THSD4: variants seen among roughly 807,000 people sequenced by gnomAD.
The protein encoded by THSD4 is thrombospondin type 1 domain containing 4, also known as thrombospondin type-1 domain-containing protein 4.
Under a neutral mutation model 119.0 loss-of-function variants are expected in THSD4, and 69 were observed. The ratio of observed to expected loss-of-function variants is 0.58; its 90% CI spans 0.48 to 0.71. The LOEUF (loss-of-function observed/expected upper bound fraction) is 0.71, where lower values mean the gene tolerates loss of function less well. Among genes scored for constraint, THSD4 ranks in the 30% least tolerant of loss-of-function variants. The pLI is 0.00. For missense variants in THSD4, 1,393 were observed against 1,391.1 expected (o/e 1.00, Z -0.02); for synonymous variants, 524 against 540.4 (o/e 0.97, Z 0.42).
chr15:71,352,603 T>C (rs2045758389), intron 6 of THSD4, among the ~76,000 whole-genome samples: 1 of 152,198 alleles, frequency 6.6e-6, no homozygotes, highest in Non-Finnish European at 1.5e-5. Flanking sequence ...GTTGAGTTCA[T>C]TTCAAATTTT....
chr15:71,486,614 T>G (rs1239571549), intron 7 of THSD4, among the ~76,000 whole-genome samples: 3 of 16,458 alleles, frequency 1.8e-4, no homozygotes, highest in African/African-American at 2.7e-4. Flanking sequence ...CTTTTCTGTT[T>G]TTTTTTTTTT....
intron 8 of THSD4, among the ~76,000 whole-genome samples, chr15:71,717,316 G>A (rs376759474): frequency 1.3e-5 from 2 of 152,206 alleles, no homozygotes; most frequent in African/African-American, 4.8e-5. Flanking sequence ...TTAGAAAGCA[G>A]TTATCTAGAT....
intron 7 of THSD4, among the ~76,000 whole-genome samples, chr15:71,529,606 G>T (rs2048579566): frequency 6.6e-6 from 1 of 152,134 alleles, no homozygotes; most frequent in South Asian, 2.1e-4. Context: ...CCAGGTGCTA[G>T]GTTGAGAAGG....
At chr15:71,136,116 C>T (rs2040550109) in intron 1 of THSD4, among the ~76,000 whole-genome samples, 1 of 150,310 alleles carries the variant, frequency 6.7e-6, no homozygotes, top group Non-Finnish European at 1.5e-5. Context: ...CTACCCTAGA[C>T]CCGCTGTGTG....
At chr15:71,517,516 ATTC>A (rs572310248) in intron 7 of THSD4, among the ~76,000 whole-genome samples, 10 of 152,122 alleles carry the variant, frequency 6.6e-5, no homozygotes, top group Non-Finnish European at 8.8e-5. Flanking sequence ...TGTTTTGTAA[ATTC>A]TTCTTCAAGT....
At chr15:71,352,984 G>A (rs2045763122) in intron 6 of THSD4, among the ~76,000 whole-genome samples, 1 of 152,202 alleles carries the variant, frequency 6.6e-6, no homozygotes, top group Admixed American at 6.5e-5. Flanking sequence ...CCAGAGGTTG[G>A]GTAGGTGGGA....
At chr15:71,748,178 A>T (rs1031301199) in intron 13 of THSD4, among the ~76,000 whole-genome samples, 1 of 152,200 alleles carries the variant, frequency 6.6e-6, no homozygotes, top group African/African-American at 2.4e-5. Context: ...GAGGAGGCCC[A>T]TTCAGTCAGC....
intron 6 of THSD4, among the ~76,000 whole-genome samples, chr15:71,285,935 T>C (rs375348168): frequency 1.3e-5 from 2 of 150,916 alleles, no homozygotes; most frequent in East Asian, 3.9e-4. Context: ...ATTAATATCA[T>C]TGCAAGAATT....
intron 10 of THSD4, chr15:71,732,827 A>G (rs781535609): frequency 2.0e-5 from 3 of 152,216 alleles, no homozygotes; most frequent in Non-Finnish European, 4.4e-5. Context: ...CTAGGAGGAA[A>G]TAAAGGCACA....
chr15:71,555,648 T>C (rs563011440), intron 7 of THSD4, among the ~76,000 whole-genome samples: 1 of 152,302 alleles, frequency 6.6e-6, no homozygotes, highest in South Asian at 2.1e-4. Flanking sequence ...TATTTGAATG[T>C]ATCCATTTTA....
intron 6 of THSD4, among the ~76,000 whole-genome samples, chr15:71,354,292 A>G (rs991523459): frequency 6.6e-6 from 1 of 151,890 alleles, no homozygotes; most frequent in Non-Finnish European, 1.5e-5. Context: ...GTGTTTCTAT[A>G]AAGAAAAGAA....
At chr15:71,721,402 G>T (rs2052719654) in intron 8 of THSD4, among the ~76,000 whole-genome samples, 1 of 152,184 alleles carries the variant, frequency 6.6e-6, no homozygotes, top group South Asian at 2.1e-4. Context: ...CTGCTACTGG[G>T]GAGGCTGAGA....
At chr15:71,520,266 A>T (rs2048420767) in intron 7 of THSD4, among the ~76,000 whole-genome samples, 3 of 152,162 alleles carry the variant, frequency 2.0e-5, no homozygotes, top group African/African-American at 7.2e-5. Flanking sequence ...ACTGGTCTAG[A>T]GATGAGACCC....
chr15:71,306,033 C>T (rs1034051028), intron 6 of THSD4, among the ~76,000 whole-genome samples: 5 of 152,068 alleles, frequency 3.3e-5, no homozygotes, highest in African/African-American at 9.7e-5. Context: ...ACGGGCCAGG[C>T]GCAGTGGTTC....
At chr15:71,260,651 C>T (rs1463156186) in intron 6 of THSD4, among the ~76,000 whole-genome samples, 1 of 152,124 alleles carries the variant, frequency 6.6e-6, no homozygotes, top group Non-Finnish European at 1.5e-5. Flanking sequence ...AACATTAGGA[C>T]CCTGCCTTTC....
chr15:71,609,493 C>T (rs2050178205), intron 7 of THSD4, among the ~76,000 whole-genome samples: 1 of 152,126 alleles, frequency 6.6e-6, no homozygotes, highest in South Asian at 2.1e-4. Context: ...CATTGATCTG[C>T]TCTCTTGGAA....
chr15:71,371,245 G>T (rs2046042384), intron 6 of THSD4, among the ~76,000 whole-genome samples: 1 of 152,136 alleles, frequency 6.6e-6, no homozygotes, highest in African/African-American at 2.4e-5. Flanking sequence ...TTGCCAGTTT[G>T]TGTCTTTTAA....
chr15:71,322,137 T>A (rs1393769119), intron 6 of THSD4, among the ~76,000 whole-genome samples: 4 of 152,182 alleles, frequency 2.6e-5, no homozygotes, highest in Admixed American at 6.5e-5. Context: ...GTTATGGAAT[T>A]TAGCCTGGAA....
chr15:71,516,567 A>G (rs1164784269), intron 7 of THSD4, among the ~76,000 whole-genome samples: 1 of 152,192 alleles, frequency 6.6e-6, no homozygotes, highest in Non-Finnish European at 1.5e-5. Context: ...CTAGTCTAGT[A>G]TTTCCCAGAC....
Sources: gnomAD v4.1 joint callset for allele counts (sites outside exome capture counted in the v4.1 genomes callset) on GRCh38, gnomAD v4.1.1 for gene constraint, MANE v1.5 for transcripts, NCBI Gene and HGNC (gene_info 2026-07-23, HGNC 2026-07-21) for gene names.